BMPR1A: variants seen among roughly 807,000 people sequenced by gnomAD.
BMPR1A encodes bone morphogenetic protein receptor type-1A.
A neutral mutation model predicts 66.0 loss-of-function variants in BMPR1A; 7 were observed. The observed-to-expected ratio is 0.11, with a 90% CI of 0.06 to 0.20. The LOEUF is 0.20. BMPR1A is among the 10% of genes least tolerant of loss of function. BMPR1A has a pLI of 1.00. For synonymous variants in BMPR1A, 200 were observed against 229.7 expected (o/e 0.87, Z 1.17); for missense variants, 408 against 669.1 (o/e 0.61, Z 4.31).
At chr10:86,774,428 C>A (rs577028603) in intron 1 of BMPR1A, among the ~76,000 whole-genome samples, 1 of 151,130 alleles carries the variant, frequency 6.6e-6, no homozygotes, top group Non-Finnish European at 1.5e-5. Flanking sequence ...GCATGGTAAC[C>A]CATTAAAGGG....
At chr10:86,826,313 G>A (rs939381971) in intron 1 of BMPR1A, among the ~76,000 whole-genome samples, 1 of 151,590 alleles carries the variant, frequency 6.6e-6, no homozygotes, top group East Asian at 1.9e-4. Context: ...GTTCTTTATA[G>A]ATGTTTTAAT....
chr10:86,831,124 T>G (rs11202215), intron 1 of BMPR1A, among the ~76,000 whole-genome samples: 1,595 of 152,346 alleles, frequency 0.01, 30 homozygotes, highest in South Asian at 0.079. Context: ...TGTTTAGCCA[T>G]TTGTCAGCTG....
intron 1 of BMPR1A, among the ~76,000 whole-genome samples, chr10:86,831,323 G>A (rs1407475267): frequency 6.6e-6 from 1 of 151,812 alleles, no homozygotes; most frequent in African/African-American, 2.4e-5. Context: ...TTCGATATTT[G>A]GGATGTCTTT....
intron 1 of BMPR1A, among the ~76,000 whole-genome samples, chr10:86,822,598 A>G (rs149243066): frequency 4.0e-5 from 6 of 151,286 alleles, no homozygotes; most frequent in Non-Finnish European, 7.4e-5. Flanking sequence ...CTTAATCACT[A>G]TGAGCTTCAG....
Position 86,876,469 on chromosome 10 carries a change from A to G in BMPR1A, c.67+384A>G, listed in dbSNP as rs545496591. On this transcript the variant is annotated intron_variant, in intron 3 of 12. Transcript: ENST00000372037. ...TCTCCTTTAAAATACAATAAGGAGC[A>G]AGTGTAAATAATAATTGAAAAATCA... 2.7e-3 allele frequency among the ~76,000 whole-genome samples: 415 copies of G among 152,312 alleles called. 1 individual carries two copies. Among genetic ancestry groups the G allele is most frequent in the Non-Finnish European group, 4.0e-3 (272 of 68,024 alleles).
chr10:86,791,539 A>G (rs1841619688), intron 1 of BMPR1A, among the ~76,000 whole-genome samples: 1 of 151,880 alleles, frequency 6.6e-6, no homozygotes, highest in Non-Finnish European at 1.5e-5. Flanking sequence ...ACACACGCAC[A>G]GAAAAGTAGA....
chr10:86,784,864 T>C (rs181901278), intron 1 of BMPR1A, among the ~76,000 whole-genome samples: 194 of 152,286 alleles, frequency 1.3e-3, no homozygotes, highest in African/African-American at 4.4e-3. Flanking sequence ...CTCTTTCATT[T>C]CTGATTTTAA....
At chr10:86,912,025 A>G (rs1843497142) in intron 7 of BMPR1A, among the ~76,000 whole-genome samples, 1 of 152,150 alleles carries the variant, frequency 6.6e-6, no homozygotes, top group African/African-American at 2.4e-5. Context: ...TTTACATGCC[A>G]ATACACTATA....
intron 1 of BMPR1A, among the ~76,000 whole-genome samples, chr10:86,813,795 A>G (rs1398687051): frequency 6.6e-6 from 1 of 152,040 alleles, no homozygotes; most frequent in African/African-American, 2.4e-5. Context: ...CTCTATTCCT[A>G]TGTCAGTATC....
intron 2 of BMPR1A, among the ~76,000 whole-genome samples, chr10:86,864,144 G>T (rs1026261196): frequency 6.6e-6 from 1 of 151,968 alleles, no homozygotes; most frequent in Non-Finnish European, 1.5e-5. Context: ...GTTTTGCCTC[G>T]CACAAGGTCT....
intron 1 of BMPR1A, among the ~76,000 whole-genome samples, chr10:86,758,759 A>G (rs893029349): frequency 2.6e-5 from 4 of 152,200 alleles, no homozygotes; most frequent in African/African-American, 9.7e-5. Context: ...CTCATTTCTT[A>G]ACCCCTTGTT....
chr10:86,789,894 C>T (rs182927449), intron 1 of BMPR1A, among the ~76,000 whole-genome samples: 119 of 149,742 alleles, frequency 7.9e-4, no homozygotes, highest in African/African-American at 2.5e-3. Flanking sequence ...CGGTGGCTCA[C>T]GCCTGTAATC....
downstream of BMPR1A, chr10:86,932,244 C>T (rs144680027): frequency 1.9e-4 from 29 of 152,298 alleles, 1 homozygote; most frequent in East Asian, 5.4e-3. Flanking sequence ...CTAAATACTT[C>T]AGGGATGTTC....
At chr10:86,826,879 T>C (rs903867171) in intron 1 of BMPR1A, among the ~76,000 whole-genome samples, 15 of 152,134 alleles carry the variant, frequency 9.9e-5, no homozygotes, top group African/African-American at 3.6e-4. Flanking sequence ...CATAAAGTAA[T>C]AGACATTTAT....
intron 1 of BMPR1A, among the ~76,000 whole-genome samples, chr10:86,782,329 A>AT (rs1564682498): frequency 6.6e-6 from 1 of 152,062 alleles, no homozygotes; most frequent in Admixed American, 6.6e-5. Context: ...CCTGTTTTCA[A>AT]TTTTTTTAGA....
intron 1 of BMPR1A, among the ~76,000 whole-genome samples, chr10:86,768,807 A>T (rs1841205949): frequency 1.3e-5 from 2 of 152,178 alleles, no homozygotes; most frequent in Non-Finnish European, 2.9e-5. Context: ...CTTGAGCCAA[A>T]GTTGTTAATT....
intron 4 of BMPR1A, among the ~76,000 whole-genome samples, chr10:86,890,741 T>A (rs1051669557): frequency 6.6e-6 from 1 of 152,152 alleles, no homozygotes; most frequent in East Asian, 1.9e-4. Context: ...GCCTCCTACT[T>A]CTTAATTAGT....
intron 2 of BMPR1A, among the ~76,000 whole-genome samples, chr10:86,864,414 CT>C (rs1390398552): frequency 6.6e-6 from 1 of 152,186 alleles, no homozygotes; most frequent in African/African-American, 2.4e-5. Flanking sequence ...CTTCCGTAGC[CT>C]GTCTAATGAC....
chr10:86,869,713 C>T (rs1260646591), intron 2 of BMPR1A, among the ~76,000 whole-genome samples: 3 of 151,224 alleles, frequency 2.0e-5, no homozygotes, highest in Non-Finnish European at 4.4e-5. Context: ...GCTGAGATGG[C>T]GCCATTGCAC....
Sources: allele counts gnomAD v4.1 joint callset (sites outside exome capture counted in the v4.1 genomes callset), GRCh38; gene constraint gnomAD v4.1.1; transcripts MANE v1.5; gene names NCBI Gene and HGNC (gene_info 2026-07-23, HGNC 2026-07-21).